The following RAPGEF2 variants were observed in gnomAD, a reference collection of about 807,000 sequenced individuals.
The protein encoded by RAPGEF2 is PDZ domain containing guanine nucleotide exchange factor (GEF) 1.
Under a neutral mutation model 186.7 loss-of-function variants are expected in RAPGEF2, and 54 were observed. The ratio of observed to expected loss-of-function variants is 0.29; its 90% confidence interval spans 0.23 to 0.36. The LOEUF (loss-of-function observed/expected upper bound fraction) is 0.36. RAPGEF2 is among the 10% of genes least tolerant of loss of function. The pLI, the probability that RAPGEF2 is intolerant of heterozygous loss-of-function variation, is 1.00. For synonymous variants in RAPGEF2, 712 were observed against 705.9 expected, an observed-to-expected ratio of 1.01 and a Z score of -0.14; for missense variants, 1,532 against 2,045.0, an observed-to-expected ratio of 0.75 and a Z score of 4.84.
chr4:159,285,414 C>G (rs1317242127), intron 7 of RAPGEF2, among the ~76,000 whole-genome samples: 1 of 152,062 alleles, frequency 6.6e-6, no homozygotes, highest in Non-Finnish European at 1.5e-5. Flanking sequence ...TTTGCTAATC[C>G]TGTTGATAAA....
intron 1 of RAPGEF2, among the ~76,000 whole-genome samples, chr4:159,158,224 C>T (rs923228077): frequency 1.3e-5 from 2 of 152,144 alleles, no homozygotes; most frequent in African/African-American, 2.4e-5. Flanking sequence ...ACTCCCCAAC[C>T]AGCAATAAAT....
intron 7 of RAPGEF2, among the ~76,000 whole-genome samples, chr4:159,261,968 C>T (rs943272092): frequency 1.3e-5 from 2 of 152,238 alleles, no homozygotes; most frequent in South Asian, 2.1e-4. Context: ...TTAGCCTACT[C>T]TTTTTGCCTA....
chr4:159,241,415 T>C, intron 6 of RAPGEF2, 47 bp downstream of exon 6: 1 of 1,213,590 alleles, frequency 8.2e-7, no homozygotes, highest in Non-Finnish European at 1.0e-6. Context: ...AGTTTTTTGT[T>C]GGGGTTTTGT....
intron 1 of RAPGEF2, among the ~76,000 whole-genome samples, chr4:159,118,668 C>G (rs1739322618): frequency 6.6e-6 from 1 of 152,134 alleles, no homozygotes; most frequent in Non-Finnish European, 1.5e-5. Context: ...TCACCGCAAC[C>G]TCCGCCTCCC....
At chr4:159,295,762 C>T (rs1300778632) in intron 7 of RAPGEF2, among the ~76,000 whole-genome samples, 1,312 of 127,976 alleles carry the variant, frequency 0.01, 14 homozygotes, top group African/African-American at 0.045. Context: ...TGTGCGCGCG[C>T]GCGCGCGCGC....
At chr4:159,221,816 T>A (rs1447769966) in intron 4 of RAPGEF2, among the ~76,000 whole-genome samples, 1 of 152,200 alleles carries the variant, frequency 6.6e-6, no homozygotes, top group Non-Finnish European at 1.5e-5. Flanking sequence ...TTAAAGATCT[T>A]AAGGAAGTGC....
chr4:159,198,854 C>T (rs1270625929), intron 3 of RAPGEF2, among the ~76,000 whole-genome samples: 3 of 151,452 alleles, frequency 2.0e-5, no homozygotes, highest in Non-Finnish European at 2.9e-5. Flanking sequence ...TCGAGGTGGG[C>T]GGATCAGTTG....
chr4:159,200,889 A>G (rs1276072139), intron 3 of RAPGEF2, among the ~76,000 whole-genome samples: 2 of 152,152 alleles, frequency 1.3e-5, no homozygotes, highest in Non-Finnish European at 2.9e-5. Flanking sequence ...GTGGGAATTT[A>G]TATATAATTG....
chr4:159,289,253 G>A (rs746623731), intron 7 of RAPGEF2, among the ~76,000 whole-genome samples: 2 of 152,136 alleles, frequency 1.3e-5, no homozygotes, highest in Non-Finnish European at 2.9e-5. Flanking sequence ...GTAGATGAAT[G>A]AATCTTATGG....
intron 7 of RAPGEF2, among the ~76,000 whole-genome samples, chr4:159,273,638 CTTT>C (rs1758414992): frequency 6.0e-5 from 4 of 67,168 alleles, no homozygotes; most frequent in Non-Finnish European, 9.4e-5. Flanking sequence ...TTCTTTCTTT[CTTT>C]CTTTCTTTCT....
chr4:159,272,074 A>G (rs141681042), intron 7 of RAPGEF2, among the ~76,000 whole-genome samples: 2,446 of 152,152 alleles, frequency 0.016, 42 homozygotes, highest in East Asian at 0.069. Flanking sequence ...GACCGTGGCC[A>G]TTTGTGTTCT....
chr4:159,123,129 T>G (rs893050426), intron 1 of RAPGEF2, among the ~76,000 whole-genome samples: 1 of 152,238 alleles, frequency 6.6e-6, no homozygotes, highest in African/African-American at 2.4e-5. Context: ...CAGTAAGGCT[T>G]CTGGTCAACA....
intron 28 of RAPGEF2, 51 bp from the exon 29 acceptor site, chr4:159,355,802 C>G: frequency 7.0e-7 from 1 of 1,422,924 alleles, no homozygotes; most frequent in Non-Finnish European, 9.5e-7. Flanking sequence ...TTTTAATAAA[C>G]TTTTGTGGCA....
At position 159,302,919 on chromosome 4, in the gene RAPGEF2, C is replaced by T. The variant is rs372599937; in HGVS notation, c.544-1423C>T. Among the ~76,000 whole-genome samples the T allele has an allele frequency of 1.2e-3, 186 of 151,962 alleles. 2 individuals are homozygous for T. In the South Asian group the frequency reaches 0.036, roughly 30 times the overall value. On this transcript the variant is annotated intron_variant, in intron 7 of 29. Coordinates refer to ENST00000691494, the MANE Select transcript of RAPGEF2 (RefSeq NM_001394067.2). The stretch of plus-strand genomic sequence containing the variant: ...AAACACTGTTGGTAAGATAGGTTTG[C>T]GATTATTTCACTTCTCCAAGCTCCC...
chr4:159,107,089 T>G (rs1252003651), intron 1 of RAPGEF2, among the ~76,000 whole-genome samples: 1 of 152,196 alleles, frequency 6.6e-6, no homozygotes, highest in Non-Finnish European at 1.5e-5. Flanking sequence ...TAATCCAATG[T>G]GTGTCCCATA....
intron 3 of RAPGEF2, among the ~76,000 whole-genome samples, 199 bp from the exon 4 acceptor site, chr4:159,210,301 A>G (rs1375297110): frequency 2.0e-5 from 3 of 152,216 alleles, no homozygotes; most frequent in African/African-American, 7.2e-5. Context: ...TGATAAATAT[A>G]TTTGGTGTAT....
chr4:159,123,598 G>A (rs896568045), intron 1 of RAPGEF2, among the ~76,000 whole-genome samples: 2 of 150,044 alleles, frequency 1.3e-5, no homozygotes, highest in Non-Finnish European at 3.0e-5. Context: ...GAGTGCAGTG[G>A]CTCGATCTCA....
At chr4:159,317,697 TTTGCCC>T (rs1764769780) in intron 9 of RAPGEF2, among the ~76,000 whole-genome samples, 1 of 152,216 alleles carries the variant, frequency 6.6e-6, no homozygotes, top group Non-Finnish European at 1.5e-5. Flanking sequence ...GTTCTCATTC[TTTGCCC>T]TTGCCAATTT....
chr4:159,107,934 C>T (rs1738055386), intron 1 of RAPGEF2, among the ~76,000 whole-genome samples: 1 of 152,054 alleles, frequency 6.6e-6, no homozygotes, highest in Non-Finnish European at 1.5e-5. Context: ...ATATTTTAGC[C>T]CATTTTGGGG....
Sources: gnomAD v4.1 joint callset for allele counts (sites outside exome capture counted in the v4.1 genomes callset) on GRCh38, gnomAD v4.1.1 for gene constraint, MANE v1.5 for transcripts, NCBI Gene and HGNC (gene_info 2026-07-23, HGNC 2026-07-21) for gene names.